ANK3: variants seen among roughly 807,000 people sequenced by gnomAD.
ANK3 encodes the protein ankyrin 3.
In ANK3, 57 loss-of-function variants were observed where a neutral mutation model predicts 370.9. The observed-to-expected ratio is 0.15, with a 90% CI of 0.12 to 0.19. The LOEUF (loss-of-function observed/expected upper bound fraction) is 0.19. Among genes scored for constraint, ANK3 ranks in the 10% least tolerant of loss-of-function variants. The pLI, the probability that ANK3 is intolerant of heterozygous loss-of-function variation, is 1.00. For missense variants in ANK3, 4,439 were observed against 5,302.1 expected, an observed-to-expected ratio of 0.84 and a Z score of 5.06; for synonymous variants, 1,929 against 1,946.3, an observed-to-expected ratio of 0.99 and a Z score of 0.23.
chr10:60,114,853 T>G (rs2092973459), intron 25 of ANK3, among the ~76,000 whole-genome samples: 1 of 152,166 alleles, frequency 6.6e-6, no homozygotes, highest in Non-Finnish European at 1.5e-5. Flanking sequence ...TACCAAACTC[T>G]GGGAGGGTGA....
chr10:60,613,533 T>C (rs2078227990), intron 2 of ANK3, among the ~76,000 whole-genome samples: 2 of 152,198 alleles, frequency 1.3e-5, no homozygotes, highest in Admixed American at 6.5e-5. Flanking sequence ...ACATATCATA[T>C]GGCTAAGATA....
intron 1 of ANK3, among the ~76,000 whole-genome samples, chr10:60,366,312 G>A (rs2059382354): frequency 1.3e-5 from 2 of 152,074 alleles, no homozygotes; most frequent in East Asian, 1.9e-4. Context: ...CAGCCTGAGT[G>A]ACAGAGACAG....
intron 1 of ANK3, among the ~76,000 whole-genome samples, chr10:60,381,125 C>A (rs1371950493): frequency 6.6e-6 from 1 of 152,126 alleles, no homozygotes; most frequent in Non-Finnish European, 1.5e-5. Context: ...GGTAATGAAT[C>A]TTATCTTGTA....
At chr10:60,287,304 C>T (rs2040235625) in intron 1 of ANK3, among the ~76,000 whole-genome samples, 1 of 152,150 alleles carries the variant, frequency 6.6e-6, no homozygotes, top group African/African-American at 2.4e-5. Context: ...TTAGCTTTCC[C>T]TACAGCTGAA....
intron 23 of ANK3, among the ~76,000 whole-genome samples, chr10:60,152,626 A>G (rs1189204649): frequency 1.3e-5 from 2 of 152,230 alleles, no homozygotes; most frequent in Non-Finnish European, 2.9e-5. Context: ...TTGTATTTGT[A>G]CTACTTTAAG....
At chr10:60,582,643 AAATATATTATTTTTATAT>A (rs1283624271) in intron 2 of ANK3, among the ~76,000 whole-genome samples, 2 of 149,404 alleles carry the variant, frequency 1.3e-5, no homozygotes, top group African/African-American at 4.9e-5. Context: ...CCGATTCCTA[AAATATATTATTTTTATAT>A]AATATATTAT....
At chr10:60,449,976 G>T (rs2064553634) in intron 2 of ANK3, among the ~76,000 whole-genome samples, 1 of 91,736 alleles carries the variant, frequency 1.1e-5, no homozygotes, top group Non-Finnish European at 2.3e-5. Flanking sequence ...GCGATGGAAA[G>T]AAAAGAGGAA....
In ANK3 at chr10:60,208,041, C is replaced by G; in HGVS notation, c.1189G>C (p.Ala397Pro). ...TCGCTGGTTGAGCCACTCACCAGGG[C>G]TTTGGCATTGGGGTTAGCTTTCTTA... is the stretch of plus-strand genomic sequence containing the variant. ...LDKKANPNAK[A>P]LNGFTPLHIA... Residue 397 changes from alanine to proline, a missense_variant, in exon 10 of 44, where the codon GCC (alanine) becomes CCC (proline). Transcript: ENST00000280772. The G allele has an allele frequency of 6.2e-7, 1 of 1,613,502 alleles. No homozygotes were observed. Among genetic ancestry groups the G allele is most frequent in the Non-Finnish European group, 8.5e-7 (1 of 1,179,912 alleles).
At chr10:60,064,957 T>C (rs1200586209) in intron 38 of ANK3, among the ~76,000 whole-genome samples, 3 of 152,198 alleles carry the variant, frequency 2.0e-5, no homozygotes, top group African/African-American at 7.2e-5. Context: ...AATTACAAGA[T>C]ACGTAGAGGT....
intron 1 of ANK3, among the ~76,000 whole-genome samples, chr10:60,692,059 T>G (rs982343772): frequency 2.0e-5 from 3 of 152,230 alleles, no homozygotes; most frequent in African/African-American, 7.2e-5. Flanking sequence ...TCAAGTAGAC[T>G]GAACAAAGCT....
chr10:60,091,770 C>T (rs913924720), intron 28 of ANK3, among the ~76,000 whole-genome samples: 7 of 148,988 alleles, frequency 4.7e-5, no homozygotes, highest in Non-Finnish European at 7.4e-5. Context: ...CTCGCTCTAT[C>T]GCTAGGCTGG....
At chr10:60,522,666 T>G (rs2076375252) in intron 2 of ANK3, among the ~76,000 whole-genome samples, 1 of 152,050 alleles carries the variant, frequency 6.6e-6, no homozygotes, top group South Asian at 2.1e-4. Flanking sequence ...CTGGCTGAAT[T>G]CCTATCCTCT....
chr10:60,055,544 A>G lies in ANK3; in HGVS notation c.13065+114T>C, dbSNP rs565093039. 3.1e-5 allele frequency: 41 copies of G among 1,342,284 alleles called. No individual in the cohort carries two copies. The East Asian group carries it at 8.8e-4, about 29-fold the overall frequency. 83.1% of individuals were successfully genotyped at this position (1,342,284 alleles called of 1,614,324 possible). ...ATTAGTGCTACAATTTCACACATTT[A>G]TAATTTAGAAATCGTAAAAAACCTT... On this transcript the variant is annotated intron_variant, in intron 42 of 43. Transcript: ENST00000280772.
intron 2 of ANK3, among the ~76,000 whole-genome samples, chr10:60,561,523 G>C (rs2077334033): frequency 6.6e-6 from 1 of 152,172 alleles, no homozygotes; most frequent in Non-Finnish European, 1.5e-5. Context: ...AAATTCACAG[G>C]ATGCTGTACT....
chr10:60,346,504 T>C (rs932225558), intron 1 of ANK3, among the ~76,000 whole-genome samples: 2 of 152,138 alleles, frequency 1.3e-5, no homozygotes, highest in African/African-American at 4.8e-5. Context: ...TTATTTTTCC[T>C]ACTAAATTAG....
chr10:60,647,592 T>G (rs922581604), intron 1 of ANK3, among the ~76,000 whole-genome samples: 1 of 147,966 alleles, frequency 6.8e-6, no homozygotes, highest in Admixed American at 7.0e-5. Flanking sequence ...AAATTCATAG[T>G]GTCTAAAAAC....
intron 2 of ANK3, among the ~76,000 whole-genome samples, chr10:60,510,752 G>A (rs1444169480): frequency 6.6e-6 from 1 of 152,014 alleles, no homozygotes; most frequent in Admixed American, 6.6e-5. Context: ...TCTGGGAGGT[G>A]GAGGTTGTAG....
chr10:60,194,656 A>G (rs574010013), intron 16 of ANK3, among the ~76,000 whole-genome samples: 1 of 152,306 alleles, frequency 6.6e-6, no homozygotes, highest in African/African-American at 2.4e-5. Context: ...TCATCCATCA[A>G]TGAATATTTG....
chr10:60,469,858 A>G (rs978771990), intron 2 of ANK3, among the ~76,000 whole-genome samples: 3 of 151,558 alleles, frequency 2.0e-5, no homozygotes, highest in Non-Finnish European at 4.4e-5. Flanking sequence ...ATCCGTGCCA[A>G]TGAAACCCAT....
Sources: gnomAD v4.1 joint callset for allele counts (sites outside exome capture counted in the v4.1 genomes callset) on GRCh38, gnomAD v4.1.1 for gene constraint, MANE v1.5 for transcripts, NCBI Gene and HGNC (gene_info 2026-07-23, HGNC 2026-07-21) for gene names.